Variants in ALMS1 observed in about 807,000 individuals in gnomAD.
ALMS1 encodes the protein ALMS1 centrosome and basal body associated protein, also known as centrosome-associated protein ALMS1.
ALMS1 carries 271 observed loss-of-function variants against 352.2 expected under a neutral mutation model. The observed-to-expected ratio is 0.77, with a 90% confidence interval of 0.70 to 0.85. ALMS1 has a LOEUF of 0.85. Among genes scored for constraint, ALMS1 ranks in the 40% least tolerant of loss-of-function variants. The probability of loss-of-function intolerance (pLI) is 0.00; values close to 1 mark genes in which losing one functional copy is unlikely to be tolerated. For missense variants in ALMS1, 5,445 were observed against 4,870.7 expected (o/e 1.12, Z -3.51); for synonymous variants, 1,865 against 1,761.2 (o/e 1.06, Z -1.48).
intron 15 of ALMS1, among the ~76,000 whole-genome samples, chr2:73,563,908 A>T (rs909958925): frequency 6.6e-6 from 1 of 151,968 alleles, no homozygotes; most frequent in African/African-American, 2.4e-5. Context: ...GACAAATACA[A>T]AATAATACTG....
chr2:73,444,312 G>A (rs528057936), intron 7 of ALMS1, among the ~76,000 whole-genome samples: 3 of 151,378 alleles, frequency 2.0e-5, no homozygotes, highest in African/African-American at 7.2e-5. Context: ...TTTGATGACT[G>A]GGTATTACTA....
At chr2:73,462,865 A>T (rs1231172798) in intron 9 of ALMS1, 4 of 152,130 alleles carry the variant, frequency 2.6e-5, no homozygotes, top group African/African-American at 4.8e-5. Flanking sequence ...AAAGAAGGCC[A>T]TTACATAATG....
In ALMS1 at chr2:73,568,995, C is replaced by CT. The variant is rs747436819; in HGVS notation, c.10385-3230dup. ...AGCTTGCTTGCTGCTGCTTCTGCTT[C>CT]TTTTTTTTTTTTTTTTTTTTTTTTT... On this transcript the variant is annotated intron_variant, in intron 15 of 22. Transcript: ENST00000613296. 8.4e-3 allele frequency among the ~76,000 whole-genome samples: 452 copies of CT among 53,570 alleles called. 159 individuals carry two copies. Among genetic ancestry groups the CT allele is most frequent in the East Asian group, 0.01 (20 of 1,978 alleles). 35.1% of individuals were successfully genotyped at this position (53,570 alleles called of 152,430 possible).
At chr2:73,576,343 T>A (rs1229684898) in intron 16 of ALMS1, among the ~76,000 whole-genome samples, 2 of 152,214 alleles carry the variant, frequency 1.3e-5, no homozygotes, top group Non-Finnish European at 2.9e-5. Flanking sequence ...TTGTTTTTAA[T>A]ACTACCATAT....
Position 73,573,565 on chromosome 2 carries a change from A to G in ALMS1, c.11547+141A>G, listed in dbSNP as rs940556233. ...TTCTTACCAACTGGAAAAGAGTGAG[A>G]AAGTGTAGTACAGTGCTATTGTGAG... On this transcript the variant is annotated intron_variant, in intron 16 of 22. Coordinates refer to ENST00000613296, the MANE Select transcript of ALMS1 (RefSeq NM_001378454.1). 4.9e-5 allele frequency: 41 copies of G among 845,050 alleles called. No individual in the cohort carries two copies. The Admixed American group carries it at 5.0e-4, about 10-fold the overall frequency. 52.3% of individuals were successfully genotyped at this position (845,050 alleles called of 1,614,324 possible).
intron 9 of ALMS1, among the ~76,000 whole-genome samples, chr2:73,455,898 G>A (rs916434097): frequency 9.9e-5 from 15 of 151,870 alleles, no homozygotes; most frequent in African/African-American, 3.4e-4. Flanking sequence ...TCTTGAAAGT[G>A]GTATCTTGAA....
intron 9 of ALMS1, among the ~76,000 whole-genome samples, chr2:73,484,683 T>TC (rs1454623307): frequency 6.6e-6 from 1 of 152,122 alleles, no homozygotes; most frequent in African/African-American, 2.4e-5. Flanking sequence ...CCAACTTGGT[T>TC]CCATTCTCCC....
At chr2:73,456,054 G>T (rs889088484) in intron 9 of ALMS1, among the ~76,000 whole-genome samples, 9 of 152,138 alleles carry the variant, frequency 5.9e-5, no homozygotes, top group Non-Finnish European at 1.5e-5. Context: ...AATCATTTAT[G>T]TAAAGAATAG....
At chr2:73,589,609 C>T (rs1321315885) in intron 16 of ALMS1, among the ~76,000 whole-genome samples, 7 of 152,080 alleles carry the variant, frequency 4.6e-5, no homozygotes, top group Non-Finnish European at 7.4e-5. Flanking sequence ...AAAAGGTGTA[C>T]CATTATTTTT....
intron 16 of ALMS1, among the ~76,000 whole-genome samples, chr2:73,585,680 C>T (rs1481223293): frequency 6.6e-6 from 1 of 151,532 alleles, no homozygotes; most frequent in Non-Finnish European, 1.5e-5. Flanking sequence ...AGGCATAAGC[C>T]ACCACGCCTG....
chr2:73,466,291 A>G (rs1408443147), intron 9 of ALMS1, among the ~76,000 whole-genome samples: 1 of 152,128 alleles, frequency 6.6e-6, no homozygotes, highest in African/African-American at 2.4e-5. Flanking sequence ...ACACCATGGA[A>G]TACTATGCAG....
At chr2:73,539,315 C>A (rs1446632376) in intron 12 of ALMS1, among the ~76,000 whole-genome samples, 1 of 152,194 alleles carries the variant, frequency 6.6e-6, no homozygotes, top group Non-Finnish European at 1.5e-5. Context: ...AGACCTGCAG[C>A]TGAGGGTCCT....
At chr2:73,386,310 G>C (rs1232437945) in intron 1 of ALMS1, 118 bp downstream of exon 1, 3 of 1,356,732 alleles carry the variant, frequency 2.2e-6, no homozygotes, top group African/African-American at 3.1e-5. Context: ...GCGCAGCTGA[G>C]GCTAGTAGGC....
At chr2:73,568,012 A>G (rs1305319112) in intron 15 of ALMS1, among the ~76,000 whole-genome samples, 2 of 152,214 alleles carry the variant, frequency 1.3e-5, no homozygotes, top group African/African-American at 4.8e-5. Context: ...CTTACTATGC[A>G]AAGAGCTTTT....
rs1674404570 is a variant in ALMS1 at position 73,550,380 on chromosome 2, G to A, written c.10021G>A (p.Val3341Ile). The stretch of plus-strand genomic sequence containing the variant: ...TAAAGAAGGAATCTACAGTAAGAGG[G>A]TAGTGACTAAGGCATCCTTGCCAGT... ...KHKEGIYSKR[V>I]VTKASLPVGE... Residue 3341 changes from valine (V) to isoleucine (I), a missense_variant, in exon 13 of 23, where the codon GTA becomes ATA. Physicochemically the swap from Val to Ile is conservative, Grantham distance 29. Transcript: ENST00000613296. 1 of 1,614,064 alleles carries A rather than the reference G, an allele frequency of 6.2e-7. No individual in the cohort carries two copies. Among genetic ancestry groups the A allele is most frequent in the Non-Finnish European group, 8.5e-7 (1 of 1,180,040 alleles).
At chr2:73,590,078 G>C (rs1675393379) in intron 16 of ALMS1, among the ~76,000 whole-genome samples, 1 of 149,694 alleles carries the variant, frequency 6.7e-6, no homozygotes, top group Admixed American at 6.7e-5. Context: ...GATGATACTT[G>C]TCTTGAACAT....
chr2:73,431,202 C>A (rs1243683460), intron 6 of ALMS1, among the ~76,000 whole-genome samples: 1 of 152,054 alleles, frequency 6.6e-6, no homozygotes, highest in African/African-American at 2.4e-5. Context: ...GTCAAATGTC[C>A]CTTGATGGGT....
At position 73,491,604 on chromosome 2, in the gene ALMS1, T is replaced by C. The variant is rs1009372703; in HGVS notation, c.9539+106T>C. The C allele has an allele frequency of 8.2e-6, 10 of 1,222,402 alleles. No homozygotes were observed. The African/African-American group carries it at 1.3e-4, about 16-fold the overall frequency. 75.7% of individuals were successfully genotyped at this position (1,222,402 alleles called of 1,614,324 possible). A position where few individuals can be genotyped will look rare whatever the true frequency, so the allele number is the denominator to read the frequency against. On this transcript the variant is annotated intron_variant, in intron 10 of 22. Coordinates refer to ENST00000613296, the MANE Select transcript of ALMS1 (RefSeq NM_001378454.1). ...TGGGGGAAAGGCCGTGTGATTTCTC[T>C]GAGTGGAGGTTGTGTCTGGCTAATT...
chr2:73,526,399 A>G (rs1673791641), intron 11 of ALMS1, among the ~76,000 whole-genome samples: 1 of 152,164 alleles, frequency 6.6e-6, no homozygotes, highest in Non-Finnish European at 1.5e-5. Context: ...CATTTTAACA[A>G]TATTGATTCT....
Sources: gnomAD v4.1 joint callset for allele counts (sites outside exome capture counted in the v4.1 genomes callset) on GRCh38, gnomAD v4.1.1 for gene constraint, MANE v1.5 for transcripts, NCBI Gene and HGNC (gene_info 2026-07-23, HGNC 2026-07-21) for gene names.